The following GABRG3 variants were observed in gnomAD, a reference collection of about 807,000 sequenced individuals.
The protein encoded by GABRG3 is gamma-aminobutyric acid type A receptor subunit gamma3.
In GABRG3, 25 loss-of-function variants were observed where a neutral mutation model predicts 48.8. The observed-to-expected ratio is 0.51, with a 90% CI of 0.37 to 0.72. GABRG3 has a LOEUF of 0.72. Ranked by LOEUF, GABRG3 falls within the 30% of genes least tolerant of loss-of-function variation. The pLI is 0.00. For missense variants in GABRG3, 394 were observed against 577.9 expected (o/e 0.68, Z 3.26); for synonymous variants, 227 against 217.6 (o/e 1.04, Z -0.38).
chr15:27,303,746 G>A (rs533228115), intron 3 of GABRG3, among the ~76,000 whole-genome samples: 12 of 150,336 alleles, frequency 8.0e-5, no homozygotes, highest in African/African-American at 1.7e-4. Context: ...ATATATATCC[G>A]TGTGTGTATA....
intron 2 of GABRG3, 42 bp downstream of exon 2, chr15:26,977,192 T>C (rs918111486): frequency 1.3e-6 from 2 of 1,578,632 alleles, no homozygotes; most frequent in East Asian, 2.2e-5. Flanking sequence ...AAATATGCTG[T>C]AGTGATATGA....
intron 3 of GABRG3, among the ~76,000 whole-genome samples, chr15:27,098,798 AG>A (rs1164734578): frequency 1.3e-5 from 2 of 152,056 alleles, no homozygotes; most frequent in Non-Finnish European, 2.9e-5. Flanking sequence ...TCAATATACT[AG>A]ATAAAATGTG....
intron 3 of GABRG3, among the ~76,000 whole-genome samples, chr15:27,238,725 T>C (rs987590381): frequency 1.3e-5 from 2 of 152,206 alleles, no homozygotes; most frequent in African/African-American, 4.8e-5. Context: ...AGTTGGATAT[T>C]TTCGAACTTT....
At chr15:27,337,985 A>G (rs1894032383) in intron 5 of GABRG3, among the ~76,000 whole-genome samples, 2 of 152,202 alleles carry the variant, frequency 1.3e-5, no homozygotes, top group South Asian at 4.1e-4. Context: ...CTCTGAATCA[A>G]CTAGGACTGT....
intron 4 of GABRG3, 28 bp downstream of exon 4, chr15:27,327,057 C>G: frequency 6.4e-7 from 1 of 1,568,250 alleles, no homozygotes. Context: ...TCTTTGATTA[C>G]TCCTGGTTTA....
chr15:27,251,927 G>A (rs571255603), intron 3 of GABRG3, among the ~76,000 whole-genome samples: 2 of 152,338 alleles, frequency 1.3e-5, no homozygotes, highest in East Asian at 3.9e-4. Context: ...TGGCTCCTCA[G>A]CATAGCTGTG....
rs918400506 is a variant in GABRG3, at chr15:27,302,285, G to C, written c.271-24524G>C. Among the ~76,000 whole-genome samples, 54 of 152,150 alleles carry C rather than the reference G, an allele frequency of 3.5e-4. 2 individuals carry two copies. Among genetic ancestry groups the C allele is most frequent in the African/African-American group, 1.2e-3 (51 of 41,544 alleles). On this transcript the variant is annotated intron_variant, in intron 3 of 9. Coordinates refer to ENST00000615808, the MANE Select transcript of GABRG3 (RefSeq NM_033223.5). ...GGGTAACGGAATCTATAAGATATTAGCTATACATTCCAAATGAAGTGGCAG... is the reference window on the plus strand; with the variant it reads ...GGGTAACGGAATCTATAAGATATTACCTATACATTCCAAATGAAGTGGCAG...
intron 3 of GABRG3, 145 bp from the exon 4 acceptor site, chr15:27,326,664 C>T (rs1029859487): frequency 5.9e-5 from 38 of 645,636 alleles, no homozygotes; most frequent in Non-Finnish European, 8.8e-5. Flanking sequence ...TGAGTGCTTG[C>T]CATGTTGAAC....
At chr15:27,095,779 C>T (rs1219136975) in intron 3 of GABRG3, among the ~76,000 whole-genome samples, 2 of 152,086 alleles carry the variant, frequency 1.3e-5, no homozygotes, top group Non-Finnish European at 2.9e-5. Context: ...AGACCTGGTC[C>T]GGGAAGCACG....
At chr15:27,219,650 C>T (rs1889387979) in intron 3 of GABRG3, among the ~76,000 whole-genome samples, 1 of 152,214 alleles carries the variant, frequency 6.6e-6, no homozygotes, top group African/African-American at 2.4e-5. Context: ...AGCGCCCAAC[C>T]TCCCAGCTGC....
intron 5 of GABRG3, among the ~76,000 whole-genome samples, chr15:27,456,391 G>A (rs564688199): frequency 3.3e-5 from 5 of 152,332 alleles, no homozygotes; most frequent in Admixed American, 6.5e-5. Flanking sequence ...TGACCAGCAT[G>A]GTGTGCAGAA....
intron 5 of GABRG3, among the ~76,000 whole-genome samples, chr15:27,400,821 G>A (rs991272420): frequency 3.3e-5 from 5 of 152,116 alleles, no homozygotes; most frequent in Admixed American, 6.5e-5. Flanking sequence ...TTGATTTAAC[G>A]TGCATTAGTG....
At chr15:27,303,084 AAAAC>A (rs1351354379) in intron 3 of GABRG3, among the ~76,000 whole-genome samples, 1 of 151,894 alleles carries the variant, frequency 6.6e-6, no homozygotes, top group East Asian at 1.9e-4. Flanking sequence ...AGCAAAGAGT[AAAAC>A]AGACTCAAAT....
intron 3 of GABRG3, among the ~76,000 whole-genome samples, chr15:27,162,657 C>T (rs1462591380): frequency 2.6e-5 from 4 of 152,024 alleles, no homozygotes; most frequent in Admixed American, 6.6e-5. Flanking sequence ...AAATGGGCAT[C>T]ACAGGATGAC....
rs114144443 is a variant in GABRG3 at position 27,443,223 on chromosome 15, C to T, written c.575-37427C>T. Among the ~76,000 whole-genome samples the T allele has an allele frequency of 3.7e-3, 568 of 152,222 alleles. 2 individuals are homozygous for T. Among genetic ancestry groups the T allele is most frequent in the African/African-American group, 0.013 (539 of 41,524 alleles). ...ACCCTGTGAGGACCTAGGAGGAAGACGACCATCTTCAAGCCAAGGGGAGAG... is the reference window on the plus strand; with the variant it reads ...ACCCTGTGAGGACCTAGGAGGAAGATGACCATCTTCAAGCCAAGGGGAGAG... On this transcript the variant is annotated intron_variant, in intron 5 of 9. Transcript: ENST00000615808.
At chr15:27,453,117 G>A (rs1357892609) in intron 5 of GABRG3, among the ~76,000 whole-genome samples, 1 of 152,200 alleles carries the variant, frequency 6.6e-6, no homozygotes, top group Non-Finnish European at 1.5e-5. Context: ...GATTAGAATA[G>A]TGGTTGCCAA....
At chr15:27,475,087 G>A (rs962241105) in intron 5 of GABRG3, among the ~76,000 whole-genome samples, 6 of 152,042 alleles carry the variant, frequency 3.9e-5, no homozygotes, top group Admixed American at 6.5e-5. Context: ...CTGAGATCGC[G>A]CCAGTGCACT....
At chr15:27,308,378 T>TTATATATAAACATATAAACATAC (rs1892812360) in intron 3 of GABRG3, among the ~76,000 whole-genome samples, 2 of 136,462 alleles carry the variant, frequency 1.5e-5, no homozygotes. Flanking sequence ...TATAAACATT[T>TTATATATAAACATATAAACATAC]GTTTATATAT....
intron 3 of GABRG3, among the ~76,000 whole-genome samples, chr15:27,226,570 G>T (rs1253850830): frequency 6.6e-6 from 1 of 151,750 alleles, no homozygotes; most frequent in Non-Finnish European, 1.5e-5. Context: ...CCACCACTCA[G>T]TGGTGACTTG....
Sources: gnomAD v4.1 joint callset for allele counts (sites outside exome capture counted in the v4.1 genomes callset) on GRCh38, gnomAD v4.1.1 for gene constraint, MANE v1.5 for transcripts, NCBI Gene and HGNC (gene_info 2026-07-23, HGNC 2026-07-21) for gene names.